Variants in MUC5B observed in about 807,000 individuals in gnomAD.
MUC5B encodes the protein mucin-5B.
A neutral mutation model predicts 376.9 loss-of-function variants in MUC5B; 116 were observed. The ratio of observed to expected loss-of-function variants is 0.31; its 90% CI spans 0.26 to 0.36. The LOEUF is 0.36. MUC5B is among the 10% of genes least tolerant of loss of function. The pLI is 1.00. For missense variants in MUC5B, 7,165 were observed against 7,769.9 expected, an observed-to-expected ratio of 0.92 and a Z score of 2.93; for synonymous variants, 3,517 against 3,390.9, an observed-to-expected ratio of 1.04 and a Z score of -1.29.
intron 13 of MUC5B, 96 bp downstream of exon 13, chr11:1,231,101 C>T: frequency 7.9e-7 from 1 of 1,271,952 alleles, no homozygotes; most frequent in Non-Finnish European, 1.1e-6. Context: ...CCTGCTAGTT[C>T]TCCGTGGCCT....
chr11:1,238,538 AT>A (rs1269725092), intron 25 of MUC5B, among the ~76,000 whole-genome samples: 1 of 152,160 alleles, frequency 6.6e-6, no homozygotes, highest in Non-Finnish European at 1.5e-5. Context: ...ACATGACCAG[AT>A]CCACGTGATA....
Position 1,243,626 on chromosome 11 carries a change from C to A in MUC5B, c.6746C>A (p.Thr2249Asn), listed in dbSNP as rs1464685039. The change falls in exon 31 of 49, where the codon ACT becomes AAT. Residue 2249 changes from threonine (T) to asparagine (N), a missense_variant. This residue lies in a region of MUC5B where 79 missense variants were observed against 63.0 expected (regional missense o/e 1.25). Transcript: ENST00000529681. The stretch of plus-strand genomic sequence containing the variant: ...ACCACCGGTACCACCCAGCACTCGA[C>A]TCCAGCCCTTTCCAGCCCTCACCCT... ...AATTGTTQHSTPALSSPHPSS... is the reference protein window; with the variant it reads ...AATTGTTQHSNPALSSPHPSS... The A allele has an allele frequency of 1.9e-6, 3 of 1,610,576 alleles. No homozygotes were observed. The African/African-American group carries it at 4.0e-5, about 22-fold the overall frequency.
chr11:1,238,814 C>G, intron 25 of MUC5B, 57 bp from the exon 26 acceptor site: 1 of 1,523,932 alleles, frequency 6.6e-7, no homozygotes. Context: ...GGGCCAGCCA[C>G]CCCCTGGCCG....
At position 1,254,764 on chromosome 11, in the gene MUC5B, C is replaced by T; in HGVS notation, c.15548C>T (p.Thr5183Ile). 1 of 1,612,884 alleles carries T rather than the reference C, an allele frequency of 6.2e-7. No homozygotes were observed. The highest frequency in any genetic ancestry group is 2.2e-5 in the East Asian group (1 of 44,884). Residue 5183 changes from threonine to isoleucine, a missense_variant, in exon 35 of 49, where the codon ACC becomes ATC. Physicochemically the swap from Thr to Ile is moderately conservative, Grantham distance 89. Transcript: ENST00000529681. Reference sequence around the variant, plus strand: ...GGCGTGCTTGTGTCTGTGCTGGGGACCACCACCATGCGTGTGGACATTCCT... The same window carrying T: ...GGCGTGCTTGTGTCTGTGCTGGGGATCACCACCATGCGTGTGGACATTCCT... ...KNGVLVSVLG[T>I]TTMRVDIPAL...
chr11:1,231,836 C>T (rs566871042), intron 14 of MUC5B, among the ~76,000 whole-genome samples, 160 bp from the exon 15 acceptor site: 8 of 152,338 alleles, frequency 5.3e-5, no homozygotes, highest in Non-Finnish European at 8.8e-5. Flanking sequence ...TGCACAGGGG[C>T]GCCCCCCGCC....
rs770491763 is a variant in MUC5B, at chr11:1,255,218, C to A, written c.15842C>A (p.Thr5281Asn). 1.3e-6 allele frequency: 2 copies of A among 1,536,922 alleles called. No individual in the cohort carries two copies. The highest frequency in any genetic ancestry group is 1.2e-5 in the South Asian group (1 of 83,142). Reference sequence around the variant, plus strand: ...GCAGCCCCGGTGTCTAGCACACCCACCCCCACCCCATGCCCACCACAGCCG... The same window carrying A: ...GCAGCCCCGGTGTCTAGCACACCCAACCCCACCCCATGCCCACCACAGCCG... ...SPAAPVSSTP[T>N]PTPCPPQPLC... The change falls in exon 36 of 49, where the codon ACC becomes AAC. Residue 5281 changes from threonine (T) to asparagine (N), a missense_variant. Thr to Asn is a moderately conservative substitution (Grantham distance 65, BLOSUM62 0). This residue lies in a region of MUC5B where 842 missense variants were observed against 1,016.9 expected (regional missense o/e 0.83). Transcript: ENST00000529681.
chr11:1,230,569 C>A lies in MUC5B; in HGVS notation c.1439C>A (p.Ala480Glu). The change falls in exon 12 of 49, where the codon GCG becomes GAG. Residue 480 changes from alanine to glutamate, a missense_variant. Physicochemically the swap from Ala to Glu is moderately radical, Grantham distance 107. This residue lies in a region of MUC5B where 640 missense variants were observed against 733.0 expected (regional missense o/e 0.87). Transcript: ENST00000529681. ...ACGGACAACGAGAACTGCCTGAAAG[C>A]GGTGACGCTCAGCCTGGACGGCGGG... ...GLTDNENCLK[A>E]VTLSLDGGDT... 6.2e-7 allele frequency: 1 copy of A among 1,611,200 alleles called. No homozygotes were observed. Among genetic ancestry groups the A allele is most frequent in the Non-Finnish European group, 8.5e-7 (1 of 1,179,024 alleles).
intron 44 of MUC5B, 124 bp downstream of exon 44, chr11:1,259,185 T>C (rs539470680): frequency 3.5e-5 from 33 of 944,862 alleles, no homozygotes; most frequent in African/African-American, 3.5e-4. Flanking sequence ...CCGAGGCACC[T>C]GCCCCCAGGT....
At chr11:1,228,809 AG>A in intron 8 of MUC5B, 44 bp downstream of exon 8, 1 of 631,256 alleles carries the variant, frequency 1.6e-6, no homozygotes, top group African/African-American at 2.9e-5. Flanking sequence ...GCCAGAGAGA[AG>A]GGGCAGGGGG....
Position 1,227,146 on chromosome 11 carries a change from G to A in MUC5B, c.576+1G>A. 6.2e-7 allele frequency: 1 copy of A among 1,610,190 alleles called. No individual in the cohort carries two copies. Among genetic ancestry groups the A allele is most frequent in the Non-Finnish European group, 8.5e-7 (1 of 1,177,980 alleles). On this transcript the variant is annotated splice_donor_variant, in intron 5 of 48. Coordinates refer to ENST00000529681, the MANE Select transcript of MUC5B (RefSeq NM_002458.3). LOFTEE classifies it high-confidence loss of function. The stretch of plus-strand genomic sequence containing the variant: ...GTGGAACGGAGAGGACAGTGCCCTG[G>A]TGAGGAAGCCCCCTCGCCCCTTGCC...
chr11:1,243,165 C>T lies in MUC5B; in HGVS notation c.6285C>T (p.Ile2095=), dbSNP rs1862340297. Residue 2095 remains isoleucine (I), a synonymous_variant, in exon 31 of 49, where the codon ATC becomes ATT. Transcript: ENST00000529681. ...GCTCCACGGTGACCCCCTCCTCCAT[C>T]CCGGGGACCACCCACACCGCCACAG... ...TRGSTVTPSS[I]PGTTHTATVL... 1 of 1,608,534 alleles carries T rather than the reference C, an allele frequency of 6.2e-7. No individual in the cohort carries two copies. Among genetic ancestry groups the T allele is most frequent in the South Asian group, 1.1e-5 (1 of 90,872 alleles).
chr11:1,240,523 A>C, intron 30 of MUC5B, 148 bp downstream of exon 30: 1 of 746,606 alleles, frequency 1.3e-6, no homozygotes, highest in Non-Finnish European at 2.1e-6. Context: ...CGGCCCCTCA[A>C]CACCCTGCGT....
chr11:1,243,113 G>C lies in MUC5B; in HGVS notation c.6233G>C (p.Ser2078Thr). The change falls in exon 31 of 49, where the codon AGC becomes ACC. Residue 2078 changes from serine (S) to threonine (T), a missense_variant. Ser to Thr is a moderately conservative substitution (Grantham distance 58). Around this residue, in one of 31 missense-constraint regions of MUC5B, gnomAD observed 897 missense variants for 779.6 expected, o/e 1.15. Transcript: ENST00000529681. ...GTALTPPVWI[S>T]TTTTPTTRGS... is the part of the protein sequence containing the mutation. ...GCACTCACGCCTCCAGTGTGGATCA[G>C]CACAACCACCACACCCACAACCAGA... is the stretch of plus-strand genomic sequence containing the variant. 6 of 1,609,250 alleles carry C rather than the reference G, an allele frequency of 3.7e-6. No homozygotes were observed. The highest frequency in any genetic ancestry group is 5.1e-6 in the Non-Finnish European group (6 of 1,178,112).
chr11:1,229,685 C>T lies in MUC5B; in HGVS notation c.1103-5C>T. 1 of 1,564,176 alleles carries T rather than the reference C, an allele frequency of 6.4e-7. No homozygotes were observed. The highest frequency in any genetic ancestry group is 8.6e-7 in the Non-Finnish European group (1 of 1,160,554). ...GCCGGCCCTGCCTCACGCCGCGCCC[C>T]ACAGGCACGGTGCTGGATGACATCA... is the stretch of plus-strand genomic sequence containing the variant. On this transcript the variant is annotated splice_region_variant and splice_polypyrimidine_tract_variant and intron_variant, in intron 9 of 48. Coordinates refer to ENST00000529681, the MANE Select transcript of MUC5B (RefSeq NM_002458.3).
chr11:1,249,117 C>G lies in MUC5B; in HGVS notation c.12237C>G (p.Pro4079=). The change falls in exon 31 of 49, where the codon CCC becomes CCG. Residue 4079 remains proline (P), a synonymous_variant. Transcript: ENST00000529681. ...PHPSSRTTES[P]PSPGTTTPGH... ...CTAGCAGCAGGACCACCGAGTCACC[C>G]CCTTCCCCAGGGACGACCACCCCGG... 1 of 1,611,350 alleles carries G rather than the reference C, an allele frequency of 6.2e-7. No homozygotes were observed. Among genetic ancestry groups the G allele is most frequent in the South Asian group, 1.1e-5 (1 of 90,944 alleles).
At position 1,250,442 on chromosome 11, in the gene MUC5B, G is replaced by A; in HGVS notation, c.13562G>A (p.Ser4521Asn). 6.3e-7 allele frequency: 1 copy of A among 1,592,188 alleles called. No individual in the cohort carries two copies. The highest frequency in any genetic ancestry group is 1.1e-5 in the South Asian group (1 of 90,662). The change falls in exon 31 of 49, where the codon AGC becomes AAC. Residue 4521 changes from serine (S) to asparagine (N), a missense_variant. Ser to Asn is a conservative substitution (Grantham distance 46, BLOSUM62 1). This residue lies in a region of MUC5B where 431 missense variants were observed against 390.4 expected (regional missense o/e 1.10). Coordinates refer to ENST00000529681, the MANE Select transcript of MUC5B (RefSeq NM_002458.3). ...ACAGCCACCACACCCACAGCTACCA[G>A]CTTTACAGCCATCCCCTCCTCCTCC... ...RSTATTPTAT[S>N]FTAIPSSSLG...
chr11:1,252,571 T>C (rs1862734458), intron 32 of MUC5B, 47 bp downstream of exon 32: 2 of 1,465,654 alleles, frequency 1.4e-6, no homozygotes, highest in East Asian at 4.9e-5. Flanking sequence ...GCACACGGTC[T>C]GGGTTGGCTG....
rs367909482 is a variant in MUC5B at position 1,259,809 on chromosome 11, C to T, written c.16767C>T (p.Thr5589=). The change falls in exon 45 of 49, where the codon ACC becomes ACT. Residue 5589 remains threonine (T), a synonymous_variant. Coordinates refer to ENST00000529681, the MANE Select transcript of MUC5B (RefSeq NM_002458.3). ...AGQCCGECVQ[T]ACLTPDGQPV... ...AGTGCTGTGGGGAGTGCGTCCAGAC[C>T]GCCTGCCTCACGCCCGATGGCCAGC... The T allele has an allele frequency of 2.9e-5, 46 of 1,612,354 alleles. No homozygotes were observed. The highest frequency in any genetic ancestry group is 6.7e-5 in the East Asian group (3 of 44,882).
In MUC5B at chr11:1,241,365, C is replaced by G. The variant is rs1281402709; in HGVS notation, c.4485C>G (p.Pro1495=). ...GCTCAGGCCCCGTGACGGTCACCCC[C>G]TCGGCCCCAGGTACCACCACCTGCC... ...GSSSGPVTVT[P]SAPGTTTCQP... Residue 1495 remains proline (P), a synonymous_variant, in exon 31 of 49, where the codon CCC becomes CCG. Coordinates refer to ENST00000529681, the MANE Select transcript of MUC5B (RefSeq NM_002458.3). The G allele has an allele frequency of 1.9e-6, 3 of 1,613,082 alleles. No individual in the cohort carries two copies. The South Asian group carries it at 3.3e-5, about 18-fold the overall frequency.
Sources: gnomAD v4.1 joint callset for allele counts (sites outside exome capture counted in the v4.1 genomes callset) on GRCh38, gnomAD v4.1.1 for gene constraint, gnomAD v4.1.1 regional missense constraint, MANE v1.5 for transcripts, NCBI Gene and HGNC (gene_info 2026-07-23, HGNC 2026-07-21) for gene names.